SGK1: variants seen among roughly 807,000 people sequenced by gnomAD.
SGK1 encodes the protein serine/threonine-protein kinase Sgk1.
In SGK1, 26 loss-of-function variants were observed where a neutral mutation model predicts 64.2. The ratio of observed to expected loss-of-function variants is 0.40; its 90% CI spans 0.30 to 0.56. The LOEUF (loss-of-function observed/expected upper bound fraction) is 0.56. Among genes scored for constraint, SGK1 ranks in the 20% least tolerant of loss-of-function variants. The pLI, the probability that SGK1 is intolerant of heterozygous loss-of-function variation, is 0.38. For synonymous variants in SGK1, 265 were observed against 239.7 expected (o/e 1.11, Z -0.98); for missense variants, 519 against 645.6 (o/e 0.80, Z 2.12).
intron 2 of SGK1, among the ~76,000 whole-genome samples, chr6:134,225,170 T>C (rs1409354103): frequency 6.7e-6 from 1 of 150,282 alleles, no homozygotes; most frequent in Non-Finnish European, 1.5e-5. Context: ...GCCAACATGG[T>C]GAAACGCTGT....
chr6:134,169,532 A>G lies in SGK1; in HGVS notation c.*736T>C, dbSNP rs1269252265. The G allele has an allele frequency of 6.6e-6, 1 of 152,630 alleles. No homozygotes were observed. Among genetic ancestry groups the G allele is most frequent in the East Asian group, 1.9e-4 (1 of 5,202 alleles). The allele number at this position is 152,630 out of a possible 1,614,324, so 9.5% of individuals were successfully genotyped here. A position where few individuals can be genotyped will look rare whatever the true frequency, so the allele number is the denominator to read the frequency against. ...CAGGTGACATTTTAAACAATGAAAA[A>G]CACCAACGGCTCTGACTGACAACTG... On this transcript the variant is annotated 3_prime_UTR_variant, in exon 14 of 14. Transcript: ENST00000367858.
intron 2 of SGK1, among the ~76,000 whole-genome samples, chr6:134,228,174 C>T (rs367757246): frequency 1.3e-5 from 2 of 151,802 alleles, no homozygotes; most frequent in East Asian, 3.9e-4. Flanking sequence ...AGGCTGGTCT[C>T]GAACTCCTGA....
At chr6:134,267,663 A>G (rs1389603395) in intron 1 of SGK1, among the ~76,000 whole-genome samples, 1 of 152,176 alleles carries the variant, frequency 6.6e-6, no homozygotes, top group Non-Finnish European at 1.5e-5. Context: ...GAAGGAAAAT[A>G]AAGCATATGA....
intron 3 of SGK1, among the ~76,000 whole-genome samples, chr6:134,191,581 G>C (rs1370941365): frequency 1.3e-5 from 2 of 152,080 alleles, no homozygotes; most frequent in Non-Finnish European, 2.9e-5. Flanking sequence ...CCACAGTTAA[G>C]TCCACCTATT....
At chr6:134,204,681 G>A (rs1775740354) in intron 3 of SGK1, among the ~76,000 whole-genome samples, 1 of 151,766 alleles carries the variant, frequency 6.6e-6, no homozygotes, top group South Asian at 2.1e-4. Context: ...AGTCTCCCAA[G>A]TAGCTGGGAT....
intron 3 of SGK1, chr6:134,174,788 G>C: frequency 6.2e-7 from 1 of 1,614,092 alleles, no homozygotes; most frequent in South Asian, 1.1e-5. Flanking sequence ...GCCCTTAGCA[G>C]CCTCAGTTTT....
At chr6:134,233,354 ATGTTGCGTCAC>A (rs1427216565) in intron 2 of SGK1, among the ~76,000 whole-genome samples, 1 of 152,222 alleles carries the variant, frequency 6.6e-6, no homozygotes, top group Non-Finnish European at 1.5e-5. Context: ...GAGATGGTTC[ATGTTGCGTCAC>A]TGGGTAAAGA....
chr6:134,289,017 C>T (rs936378802), intron 1 of SGK1, among the ~76,000 whole-genome samples: 4 of 152,196 alleles, frequency 2.6e-5, no homozygotes, highest in Admixed American at 2.6e-4. Context: ...TCCACAGATA[C>T]AGTGAGAAAC....
At chr6:134,199,586 G>A (rs1438146210) in intron 3 of SGK1, among the ~76,000 whole-genome samples, 7 of 140,408 alleles carry the variant, frequency 5.0e-5, no homozygotes, top group African/African-American at 1.8e-4. Flanking sequence ...AAGAAAGAGA[G>A]TTTACTTATG....
At chr6:134,188,825 C>T (rs1283239219) in intron 3 of SGK1, among the ~76,000 whole-genome samples, 8 of 151,846 alleles carry the variant, frequency 5.3e-5, no homozygotes, top group Non-Finnish European at 7.4e-5. Flanking sequence ...CTCAACCTCC[C>T]GGGCTCAAGT....
chr6:134,194,101 T>C (rs181545117), intron 3 of SGK1, among the ~76,000 whole-genome samples: 1 of 151,496 alleles, frequency 6.6e-6, no homozygotes, highest in Non-Finnish European at 1.5e-5. Context: ...TGGAGTTACA[T>C]GGAGAAAACC....
At chr6:134,252,990 T>C (rs1232288542) in intron 2 of SGK1, among the ~76,000 whole-genome samples, 1 of 152,198 alleles carries the variant, frequency 6.6e-6, no homozygotes, top group Non-Finnish European at 1.5e-5. Flanking sequence ...AGCATCTTTT[T>C]AAGAAAGATC....
chr6:134,267,464 T>G (rs570931511), intron 1 of SGK1, among the ~76,000 whole-genome samples: 8 of 152,086 alleles, frequency 5.3e-5, no homozygotes, highest in African/African-American at 1.4e-4. Flanking sequence ...CGTTCGGCTA[T>G]TTATTTTTTG....
intron 1 of SGK1, among the ~76,000 whole-genome samples, chr6:134,301,314 G>A (rs1777449788): frequency 6.6e-6 from 1 of 152,116 alleles, no homozygotes; most frequent in Non-Finnish European, 1.5e-5. Context: ...GAGGGAAAGG[G>A]CAAAAAGATG....
At position 134,174,546 on chromosome 6, in the gene SGK1, A is replaced by C; in HGVS notation, c.402T>G (p.Ile134Met). Residue 134 changes from isoleucine (I) to methionine (M), a missense_variant, in exon 4 of 14, where the codon ATT (isoleucine) becomes ATG (methionine). Ile to Met is a conservative substitution (Grantham distance 10). Around this residue, in one of 2 missense-constraint regions of SGK1, gnomAD observed 241 missense variants for 236.9 expected, o/e 1.02. Transcript: ENST00000367858. ...CATAGGAGTTATTGGCAATCTTCTG[A>C]ATAAAGTCGTTCAGACCCATCCTCC... ...KQRRMGLNDF[I>M]QKIANNSYAC... 6.2e-7 allele frequency: 1 copy of C among 1,614,050 alleles called. No homozygotes were observed. Among genetic ancestry groups the C allele is most frequent in the Non-Finnish European group, 8.5e-7 (1 of 1,179,894 alleles).
At chr6:134,203,421 A>C (rs1291390189) in intron 3 of SGK1, among the ~76,000 whole-genome samples, 2 of 152,222 alleles carry the variant, frequency 1.3e-5, no homozygotes, top group Admixed American at 6.5e-5. Context: ...AAGAGAAGGG[A>C]CATATAGAAA....
At chr6:134,226,000 C>T (rs1186487123) in intron 2 of SGK1, among the ~76,000 whole-genome samples, 2 of 151,934 alleles carry the variant, frequency 1.3e-5, no homozygotes, top group South Asian at 2.1e-4. Context: ...CCCAATTACT[C>T]GGGAGGCTGA....
At chr6:134,297,589 G>A (rs1166293299) in intron 1 of SGK1, 26 of 482,050 alleles carry the variant, frequency 5.4e-5, no homozygotes, top group South Asian at 3.2e-4. Flanking sequence ...TGCAAGCTCC[G>A]CCTCCCAGGT....
At chr6:134,201,405 A>G (rs1014310422) in intron 3 of SGK1, among the ~76,000 whole-genome samples, 2 of 150,898 alleles carry the variant, frequency 1.3e-5, no homozygotes, top group African/African-American at 4.9e-5. Flanking sequence ...TCTGTTGCCC[A>G]GGCTGGAGTA....
Sources: allele counts gnomAD v4.1 joint callset (sites outside exome capture counted in the v4.1 genomes callset), GRCh38; gene constraint gnomAD v4.1.1; regional missense constraint gnomAD v4.1.1; transcripts MANE v1.5; gene names NCBI Gene and HGNC (gene_info 2026-07-23, HGNC 2026-07-21).